GALNT7: variants seen among roughly 807,000 people sequenced by gnomAD.
GALNT7 encodes the protein N-acetylgalactosaminyltransferase 7.
GALNT7 carries 60 observed loss-of-function variants against 82.1 expected under a neutral mutation model. The observed-to-expected ratio is 0.73, with a 90% confidence interval of 0.59 to 0.91. The LOEUF (loss-of-function observed/expected upper bound fraction) is 0.91. Ranked by LOEUF, GALNT7 falls within the 40% of genes least tolerant of loss-of-function variation. GALNT7 has a pLI of 0.00. For synonymous variants in GALNT7, 243 were observed against 275.1 expected (o/e 0.88, Z 1.15); for missense variants, 660 against 804.2 (o/e 0.82, Z 2.17).
Position 173,270,110 on chromosome 4 carries a change from G to A in GALNT7, c.587+21670G>A, listed in dbSNP as rs1014528653. On this transcript the variant is annotated intron_variant, in intron 2 of 11. Transcript: ENST00000265000. Reference sequence around the variant, plus strand: ...CACTGGTTTTAACCATTCTGCAGAAGTATAGCGCAATTATTATTGGCAATA... The same window carrying A: ...CACTGGTTTTAACCATTCTGCAGAAATATAGCGCAATTATTATTGGCAATA... Among the ~76,000 whole-genome samples the A allele has an allele frequency of 4.6e-5, 7 of 152,338 alleles. No individual in the cohort carries two copies. The East Asian group carries it at 1.3e-3, about 29-fold the overall frequency.
At chr4:173,169,223 C>G (rs1033077984) in intron 1 of GALNT7, 1 of 150,392 alleles carries the variant, frequency 6.6e-6, no homozygotes, top group African/African-American at 2.5e-5. Flanking sequence ...CGCGCTGCCG[C>G]GGCAGCGGCT....
rs1175755440 is a variant in GALNT7 at position 173,295,847 on chromosome 4, A to G, written c.965+4A>G. On this transcript the variant is annotated splice_donor_region_variant and intron_variant, in intron 5 of 11. Transcript: ENST00000265000. ...TAGCTCCCATATCTAAGGACAGGTA[A>G]CATTACCTTGCTTTTTTTCTTTCCT... The G allele has an allele frequency of 6.4e-7, 1 of 1,551,962 alleles. No individual in the cohort carries two copies.
intron 1 of GALNT7, among the ~76,000 whole-genome samples, chr4:173,202,095 G>A (rs184688356): frequency 6.6e-6 from 1 of 152,134 alleles, no homozygotes; most frequent in Admixed American, 6.5e-5. Context: ...GATCATTATT[G>A]CTATTTTGTA....
intron 2 of GALNT7, among the ~76,000 whole-genome samples, chr4:173,260,425 C>T (rs114450626): frequency 4.6e-5 from 7 of 152,214 alleles, no homozygotes; most frequent in Non-Finnish European, 1.0e-4. Flanking sequence ...AAAATTATAT[C>T]TAAGTTTCAG....
chr4:173,209,696 T>C (rs1733209207), intron 1 of GALNT7, among the ~76,000 whole-genome samples: 2 of 152,172 alleles, frequency 1.3e-5, no homozygotes, highest in Non-Finnish European at 2.9e-5. Context: ...TAGATGGCCT[T>C]CAGGCCATTT....
At chr4:173,217,711 C>G (rs1733515121) in intron 1 of GALNT7, among the ~76,000 whole-genome samples, 1 of 152,102 alleles carries the variant, frequency 6.6e-6, no homozygotes, top group Non-Finnish European at 1.5e-5. Flanking sequence ...CCTTCATACC[C>G]ACATTTAGCC....
intron 2 of GALNT7, among the ~76,000 whole-genome samples, chr4:173,276,594 G>T (rs548768577): frequency 6.6e-6 from 1 of 152,314 alleles, no homozygotes; most frequent in Non-Finnish European, 1.5e-5. Flanking sequence ...CCTAAGAAAA[G>T]ATGTGATTAT....
chr4:173,194,705 A>G (rs1017344454), intron 1 of GALNT7, among the ~76,000 whole-genome samples: 1 of 152,066 alleles, frequency 6.6e-6, no homozygotes, highest in East Asian at 1.9e-4. Flanking sequence ...TTTGTTACAT[A>G]TGTATGCATG....
At chr4:173,308,721 A>G (rs1812790) in intron 8 of GALNT7, among the ~76,000 whole-genome samples, 5,034 of 152,178 alleles carry the variant, frequency 0.033, 273 homozygotes, top group African/African-American at 0.11. Context: ...TGACCAACAT[A>G]GTGAAACCCA....
Position 173,177,656 on chromosome 4 carries a change from A to G in GALNT7, c.126+8695A>G, listed in dbSNP as rs544712505. On this transcript the variant is annotated intron_variant, in intron 1 of 11. Coordinates refer to ENST00000265000, the MANE Select transcript of GALNT7 (RefSeq NM_017423.3). ...AAATAATTTCTTTAAGGACAGGGCCATCAACAAATTCAGATGTTAAAATGT... is the reference window on the plus strand; with the variant it reads ...AAATAATTTCTTTAAGGACAGGGCCGTCAACAAATTCAGATGTTAAAATGT... Among the ~76,000 whole-genome samples, 174 of 152,346 alleles carry G rather than the reference A, an allele frequency of 1.1e-3. 1 individual carries two copies. The Middle Eastern group carries it at 0.02, about 18-fold the overall frequency.
chr4:173,225,436 A>C (rs1200149882), intron 1 of GALNT7, among the ~76,000 whole-genome samples: 1 of 152,226 alleles, frequency 6.6e-6, no homozygotes, highest in Non-Finnish European at 1.5e-5. Flanking sequence ...ATAGGCTATC[A>C]TTATCCTCAA....
intron 1 of GALNT7, 111 bp from the exon 2 acceptor site, chr4:173,247,869 C>T (rs1343597871): frequency 1.6e-6 from 1 of 637,602 alleles, no homozygotes; most frequent in Non-Finnish European, 2.7e-6. Context: ...GTATTCCAAA[C>T]TGTTTTATTG....
rs557700191 is a variant in GALNT7, at chr4:173,216,791, C to T, written c.127-31189C>T. 5.9e-4 allele frequency among the ~76,000 whole-genome samples: 74 copies of T among 124,496 alleles called. 1 individual carries two copies. The highest frequency in any genetic ancestry group is 2.2e-3 in the African/African-American group (71 of 32,550). The allele number at this position is 124,496 out of a possible 152,430, so 81.7% of individuals were successfully genotyped here. A position where few individuals can be genotyped will look rare whatever the true frequency, so the allele number is the denominator to read the frequency against. ...TGTCCCCCAGGCTGGAGTGCAATGG[C>T]GCAATCTCGGCTCACTGCAACCTCT... On this transcript the variant is annotated intron_variant, in intron 1 of 11. Coordinates refer to ENST00000265000, the MANE Select transcript of GALNT7 (RefSeq NM_017423.3).
intron 1 of GALNT7, among the ~76,000 whole-genome samples, chr4:173,189,995 T>G (rs1732574910): frequency 7.4e-6 from 1 of 135,324 alleles, no homozygotes; most frequent in African/African-American, 3.0e-5. Context: ...AAAATGTTAG[T>G]TTTTTTTTTT....
chr4:173,317,535 TA>T, intron 9 of GALNT7, 98 bp from the exon 10 acceptor site: 1 of 764,466 alleles, frequency 1.3e-6, no homozygotes. Flanking sequence ...ATTTTCCCTG[TA>T]AACTGTAATA....
Position 173,292,492 on chromosome 4 carries a change from C to T in GALNT7, c.754+218C>T, listed in dbSNP as rs920588755. Among the ~76,000 whole-genome samples the T allele has an allele frequency of 9.9e-5, 15 of 152,132 alleles. No individual in the cohort carries two copies. The highest frequency in any genetic ancestry group is 8.5e-4 in the Admixed American group (13 of 15,276). On this transcript the variant is annotated intron_variant, in intron 3 of 11. Transcript: ENST00000265000. This position sits in a 1 kb window ranked among gnomAD's most constrained non-coding sequence, Gnocchi z 4.8. ...TGGATATCATTATGTCCATTTTACA[C>T]GCTCAGAGATGTACAAGTAGTACAC...
chr4:173,224,135 C>G (rs959730134), intron 1 of GALNT7, among the ~76,000 whole-genome samples: 11 of 152,118 alleles, frequency 7.2e-5, no homozygotes, highest in African/African-American at 2.7e-4. Flanking sequence ...CCATCAGACT[C>G]TGTTGTTACA....
intron 2 of GALNT7, among the ~76,000 whole-genome samples, chr4:173,278,154 A>C (rs1402223113): frequency 6.6e-6 from 1 of 152,252 alleles, no homozygotes; most frequent in Non-Finnish European, 1.5e-5. Flanking sequence ...AGGTACCAGC[A>C]TGGGGCTATG....
intron 1 of GALNT7, among the ~76,000 whole-genome samples, chr4:173,170,885 G>A (rs947718405): frequency 1.3e-5 from 2 of 152,164 alleles, no homozygotes; most frequent in African/African-American, 4.8e-5. Context: ...TATTTTATTA[G>A]TGCAAACAAA....
Sources: gnomAD v4.1 joint callset for allele counts (sites outside exome capture counted in the v4.1 genomes callset) on GRCh38, gnomAD v4.1.1 for gene constraint, Gnocchi (gnomAD v3.1) non-coding constraint, MANE v1.5 for transcripts, NCBI Gene and HGNC (gene_info 2026-07-23, HGNC 2026-07-21) for gene names.